Variants in KCTD19 observed in about 807,000 individuals in gnomAD.
The protein encoded by KCTD19 is BTB/POZ domain-containing protein KCTD19.
Under a neutral mutation model 103.5 loss-of-function variants are expected in KCTD19, and 67 were observed. That is an observed-to-expected ratio of 0.65 (90% confidence interval 0.53 to 0.79). The LOEUF (loss-of-function observed/expected upper bound fraction) is 0.79. KCTD19 is among the 30% of genes least tolerant of loss of function. KCTD19 has a pLI of 0.00. For missense variants in KCTD19, 980 were observed against 1,136.1 expected (o/e 0.86, Z 1.98); for synonymous variants, 439 against 452.2 (o/e 0.97, Z 0.37).
intron 2 of KCTD19, among the ~76,000 whole-genome samples, chr16:67,308,990 C>A (rs184952219): frequency 6.6e-6 from 1 of 151,880 alleles, no homozygotes; most frequent in African/African-American, 2.4e-5. Flanking sequence ...AAAAATTAGC[C>A]GGGCTTGGTG....
At chr16:67,302,852 G>A in intron 4 of KCTD19, 1 of 403,246 alleles carries the variant, frequency 2.5e-6, no homozygotes, top group South Asian at 3.1e-5. Flanking sequence ...AACCAGCTGA[G>A]CTCCCTGCCC....
intron 2 of KCTD19, among the ~76,000 whole-genome samples, chr16:67,318,288 G>A (rs1313908406): frequency 2.0e-5 from 3 of 152,124 alleles, no homozygotes; most frequent in Non-Finnish European, 4.4e-5. Context: ...GTGGCTGGGC[G>A]CGGTGGCTCA....
Position 67,301,825 on chromosome 16 carries a change from G to A in KCTD19, c.741C>T (p.Leu247=), listed in dbSNP as rs2036837513. Residue 247 remains leucine (L), a synonymous_variant, in exon 5 of 16, where the codon CTC becomes CTT. Transcript: ENST00000304372. ...AEVEILEIPA[L]TEAVRWYRMN... is the part of the protein sequence containing the mutation. ...TCCGGTACCACCTTACGGCTTCAGT[G>A]AGTGCAGGGATTTCCAGAATTTCCA... 1 of 1,613,858 alleles carries A rather than the reference G, an allele frequency of 6.2e-7. No homozygotes were observed. Among genetic ancestry groups the A allele is most frequent in the Non-Finnish European group, 8.5e-7 (1 of 1,179,874 alleles).
At chr16:67,325,759 C>T (rs1306867156) in intron 1 of KCTD19, among the ~76,000 whole-genome samples, 1 of 152,164 alleles carries the variant, frequency 6.6e-6, no homozygotes, top group Non-Finnish European at 1.5e-5. Flanking sequence ...TTAGGGGAAC[C>T]TGTGGTGCTT....
At chr16:67,326,680 GC>G (rs1161398164) in intron 1 of KCTD19, 24 bp downstream of exon 1, 2 of 1,579,296 alleles carry the variant, frequency 1.3e-6, no homozygotes. Context: ...TGCTTTTGGC[GC>G]CCCCGCCAGA....
chr16:67,321,058 G>A (rs2037068127), intron 1 of KCTD19, among the ~76,000 whole-genome samples, 173 bp from the exon 2 acceptor site: 1 of 152,174 alleles, frequency 6.6e-6, no homozygotes. Flanking sequence ...AGGCATGGTG[G>A]TTCACACCTG....
At chr16:67,313,356 C>T (rs1011656756) in intron 2 of KCTD19, among the ~76,000 whole-genome samples, 30 of 152,082 alleles carry the variant, frequency 2.0e-4, no homozygotes, top group African/African-American at 7.0e-4. Flanking sequence ...GTGATCTGCC[C>T]GCCTTGGCCT....
Position 67,297,545 on chromosome 16 carries a change from T to C in KCTD19, c.1105A>G (p.Thr369Ala). ...GCCAAAGTCCTTGGCTCCAGATGAGTCTTCAAAGCAACTTTGATTGGCTCG... is the reference window on the plus strand; with the variant it reads ...GCCAAAGTCCTTGGCTCCAGATGAGCCTTCAAAGCAACTTTGATTGGCTCG... ...TYEPIKVALK[T>A]HLEPRTLAPM... The change falls in exon 7 of 16, where the codon ACT (threonine) becomes GCT (alanine). Residue 369 changes from threonine (T) to alanine (A), a missense_variant. Thr to Ala is a moderately conservative substitution (Grantham distance 58). Coordinates refer to ENST00000304372, the MANE Select transcript of KCTD19 (RefSeq NM_001100915.3). The C allele has an allele frequency of 6.2e-7, 1 of 1,614,120 alleles. No homozygotes were observed. The highest frequency in any genetic ancestry group is 1.3e-5 in the African/African-American group (1 of 75,008).
chr16:67,297,658 C>G lies in KCTD19; in HGVS notation c.992G>C (p.Trp331Ser), dbSNP rs779664295. The change falls in exon 7 of 16, where the codon TGG becomes TCG. Residue 331 changes from tryptophan (W) to serine (S), a missense_variant. Trp to Ser is a radical substitution (Grantham distance 177). Coordinates refer to ENST00000304372, the MANE Select transcript of KCTD19 (RefSeq NM_001100915.3). ...NGVLFQHVKN[W>S]LGTCRLPLTE... ...CAGGGGCAGCCGGCAAGTCCCCAGC[C>G]AGTTCCTGCCCAGAGGAAAGGTCTG... 6.2e-7 allele frequency: 1 copy of G among 1,613,708 alleles called. No individual in the cohort carries two copies. Among genetic ancestry groups the G allele is most frequent in the Non-Finnish European group, 8.5e-7 (1 of 1,179,984 alleles).
chr16:67,307,999 G>A (rs1255632031), intron 2 of KCTD19, among the ~76,000 whole-genome samples: 1 of 151,868 alleles, frequency 6.6e-6, no homozygotes, highest in Non-Finnish European at 1.5e-5. Context: ...ACTTCTCCAA[G>A]CCTCAGGTTC....
rs116429033 is a variant in KCTD19 at position 67,303,953 on chromosome 16, A to G, written c.451+468T>C. Among the ~76,000 whole-genome samples the G allele has an allele frequency of 2.5e-3, 375 of 152,344 alleles. 1 individual carries two copies. The highest frequency in any genetic ancestry group is 8.7e-3 in the African/African-American group (360 of 41,582). Reference sequence around the variant, plus strand: ...TCATTTACCCATTTGATTCTAATTGATCAAACCAAACACAGTGATCCACAG... The same window carrying G: ...TCATTTACCCATTTGATTCTAATTGGTCAAACCAAACACAGTGATCCACAG... On this transcript the variant is annotated intron_variant, in intron 3 of 15. Transcript: ENST00000304372. This position sits in a 1 kb window ranked among gnomAD's most constrained non-coding sequence, Gnocchi z 4.3.
chr16:67,314,818 TATATATATATATAGAGAGAGAGAG>T lies in KCTD19; in HGVS notation c.300+5747_300+5770del, dbSNP rs1474634853. ...TTAGCATTATATATATATATATATA[TATATATATATATAGAGAGAGAGAG>T]AGAGAGAGAGAGAGAGAGAGAGAGA... On this transcript the variant is annotated intron_variant, in intron 2 of 15. Coordinates refer to ENST00000304372, the MANE Select transcript of KCTD19 (RefSeq NM_001100915.3). Among the ~76,000 whole-genome samples the T allele has an allele frequency of 7.1e-5, 7 of 99,172 alleles. No individual in the cohort carries two copies. The East Asian group carries it at 1.3e-3, about 18-fold the overall frequency. The allele number at this position is 99,172 out of a possible 152,430, so 65.1% of individuals were successfully genotyped here.
At chr16:67,290,602 G>A (rs985121115) in intron 15 of KCTD19, among the ~76,000 whole-genome samples, 1 of 152,228 alleles carries the variant, frequency 6.6e-6, no homozygotes, top group African/African-American at 2.4e-5. Flanking sequence ...CAAAGCTTGG[G>A]CTCATATGAT....
chr16:67,304,282 G>T, intron 3 of KCTD19, 139 bp downstream of exon 3: 2 of 817,472 alleles, frequency 2.4e-6, no homozygotes, highest in African/African-American at 1.7e-5. Flanking sequence ...CTGTGGCAGG[G>T]CAGAAGATCA....
chr16:67,321,790 C>T (rs1223129690), intron 1 of KCTD19: 1 of 152,176 alleles, frequency 6.6e-6, no homozygotes, highest in Non-Finnish European at 1.5e-5. Flanking sequence ...AGAGCAGATA[C>T]TTGTATACCC....
chr16:67,297,806 T>C (rs928591420), intron 6 of KCTD19, 143 bp from the exon 7 acceptor site: 13 of 747,878 alleles, frequency 1.7e-5, no homozygotes, highest in Non-Finnish European at 2.7e-5. Flanking sequence ...TTGTATTTTT[T>C]TTTTAGATGG....
intron 5 of KCTD19, 31 bp from the exon 6 acceptor site, chr16:67,299,604 G>T (rs760373752): frequency 6.4e-7 from 1 of 1,571,410 alleles, no homozygotes; most frequent in South Asian, 1.1e-5. Context: ...TGACTCCTAG[G>T]CCCCCCATGG....
chr16:67,295,931 G>T (rs1351540146), intron 8 of KCTD19: 2 of 493,752 alleles, frequency 4.1e-6, no homozygotes, highest in Non-Finnish European at 7.4e-6. Context: ...TTTTAGTACA[G>T]ACGGGGTTTC....
intron 1 of KCTD19, chr16:67,321,995 T>C (rs533497903): frequency 6.6e-6 from 1 of 152,390 alleles, no homozygotes; most frequent in East Asian, 1.9e-4. Context: ...TCCCACACTT[T>C]TAAAACTTAT....
Sources: gnomAD v4.1 joint callset for allele counts (sites outside exome capture counted in the v4.1 genomes callset) on GRCh38, gnomAD v4.1.1 for gene constraint, Gnocchi (gnomAD v3.1) non-coding constraint, MANE v1.5 for transcripts, NCBI Gene and HGNC (gene_info 2026-07-23, HGNC 2026-07-21) for gene names.